MAB21L3: variants seen among roughly 807,000 people sequenced by gnomAD.
The protein encoded by MAB21L3 is protein mab-21-like 3.
A neutral mutation model predicts 37.7 loss-of-function variants in MAB21L3; 36 were observed. The observed-to-expected ratio is 0.96, with a 90% CI of 0.73 to 1.26. The LOEUF (loss-of-function observed/expected upper bound fraction) is 1.26. Ranked by LOEUF, MAB21L3 falls within the 50% of genes most tolerant of loss-of-function variation. MAB21L3 has a pLI of 0.00. For missense variants in MAB21L3, 430 were observed against 447.3 expected (o/e 0.96, Z 0.35); for synonymous variants, 186 against 176.8 (o/e 1.05, Z -0.41).
Position 116,128,336 on chromosome 1 carries a change from G to C in MAB21L3, c.852G>C (p.Leu284=). Residue 284 remains leucine (L), a synonymous_variant, in exon 7 of 8, where the codon CTG becomes CTC. Coordinates refer to ENST00000369500, the MANE Select transcript of MAB21L3 (RefSeq NM_152367.3). ...GGCCGGTTATCACGTCCCACCATCT[G>C]CAGGTGAGTGTGGGGCAGGTTGGAG... ...GNRPVITSHH[L]QTVLFWTCEK... The C allele has an allele frequency of 6.2e-7, 1 of 1,610,376 alleles. No individual in the cohort carries two copies. Among genetic ancestry groups the C allele is most frequent in the Non-Finnish European group, 8.5e-7 (1 of 1,178,842 alleles).
At chr1:116,131,258 A>G (rs1177593390) in intron 7 of MAB21L3, among the ~76,000 whole-genome samples, 5 of 152,190 alleles carry the variant, frequency 3.3e-5, no homozygotes, top group Non-Finnish European at 5.9e-5. Flanking sequence ...CAATGGGTGT[A>G]CTAGGGAAAT....
At position 116,133,230 on chromosome 1, in the gene MAB21L3, C is replaced by T. The variant is rs538523710; in HGVS notation, c.954C>T (p.Cys318=). 25 of 1,614,178 alleles carry T rather than the reference C, an allele frequency of 1.5e-5. No homozygotes were observed. The highest frequency in any genetic ancestry group is 1.9e-5 in the Non-Finnish European group (23 of 1,180,036). The change falls in exon 8 of 8, where the codon TGC becomes TGT. Residue 318 remains cysteine (C), a synonymous_variant. Transcript: ENST00000369500. ...GCCTGGTGAGGAAACTGCACAAGTGCGTGAGCCAGCACTTCCTGAAACACT... is the reference window on the plus strand; with the variant it reads ...GCCTGGTGAGGAAACTGCACAAGTGTGTGAGCCAGCACTTCCTGAAACACT... ...FLRLVRKLHK[C]VSQHFLKHYF...
chr1:116,128,828 A>C (rs1659986691), intron 7 of MAB21L3, among the ~76,000 whole-genome samples: 1 of 152,214 alleles, frequency 6.6e-6, no homozygotes, highest in Non-Finnish European at 1.5e-5. Flanking sequence ...AGGAAATGCA[A>C]CACAGAGGTT....
In MAB21L3 at chr1:116,120,980, A is replaced by C; in HGVS notation, c.97A>C (p.Lys33Gln). ...TTCCCAGGCTGTGGAGGAGGTGCAG[A>C]AAGTCGTTCATCATTTGACCACAAA... is the stretch of plus-strand genomic sequence containing the variant. ...QISQAVEEVQ[K>Q]VVHHLTTNIS... The change falls in exon 4 of 8, where the codon AAA becomes CAA. Residue 33 changes from lysine to glutamine, a missense_variant. By Grantham distance (53) the Lys-to-Gln change is moderately conservative. Transcript: ENST00000369500. 1 of 1,614,192 alleles carries C rather than the reference A, an allele frequency of 6.2e-7. No individual in the cohort carries two copies. Among genetic ancestry groups the C allele is most frequent in the Non-Finnish European group, 8.5e-7 (1 of 1,180,022 alleles).
At position 116,124,245 on chromosome 1, in the gene MAB21L3, G is replaced by A; in HGVS notation, c.369G>A (p.Leu123=). ...WLEVEQFMKS[L]WQWHETDVNI... ...AGGTGGAACAGTTTATGAAGAGCCT[G>A]TGGCAGTGGCATGAGACAGATGTGA... The change falls in exon 5 of 8, where the codon CTG becomes CTA. Residue 123 remains leucine (L), a synonymous_variant. Coordinates refer to ENST00000369500, the MANE Select transcript of MAB21L3 (RefSeq NM_152367.3). The A allele has an allele frequency of 1.2e-6, 2 of 1,614,242 alleles. No homozygotes were observed. Among genetic ancestry groups the A allele is most frequent in the South Asian group, 2.2e-5 (2 of 91,088 alleles).
chr1:116,125,950 G>A (rs1048216363), intron 5 of MAB21L3, among the ~76,000 whole-genome samples: 5 of 152,222 alleles, frequency 3.3e-5, no homozygotes, highest in Admixed American at 1.3e-4. Flanking sequence ...CATGGTGAAA[G>A]TGCAAAGCAG....
rs202007056 is a variant in MAB21L3, at chr1:116,133,296, G to T, written c.1020G>T (p.Pro340=). 104 of 1,614,176 alleles carry T rather than the reference G, an allele frequency of 6.4e-5. No individual in the cohort carries two copies. In the Admixed American group the frequency reaches 1.7e-3, roughly 27 times the overall value. Residue 340 remains proline, a synonymous_variant, in exon 8 of 8, where the codon CCG becomes CCT. Coordinates refer to ENST00000369500, the MANE Select transcript of MAB21L3 (RefSeq NM_152367.3). The stretch of plus-strand genomic sequence containing the variant: ...GCAACCTCTTTCAGTGCACCAACCC[G>T]ACTGAACTGGACACTGTGGCCCAAA... ...RNSNLFQCTN[P]TELDTVAQKL... is the part of the protein sequence containing the mutation.
chr1:116,133,031 T>G, intron 7 of MAB21L3, 101 bp from the exon 8 acceptor site: 10 of 973,440 alleles, frequency 1.0e-5, no homozygotes, highest in Non-Finnish European at 1.6e-5. Flanking sequence ...AGGCAACTCT[T>G]TTCTCCCTCC....
At chr1:116,119,379 T>C (rs1659679396) in intron 3 of MAB21L3, among the ~76,000 whole-genome samples, 1 of 151,148 alleles carries the variant, frequency 6.6e-6, no homozygotes, top group African/African-American at 2.4e-5. Context: ...ACATATGAAG[T>C]TGGCTTGCTG....
At chr1:116,133,052 A>C in intron 7 of MAB21L3, 80 bp from the exon 8 acceptor site, 1 of 1,189,554 alleles carries the variant, frequency 8.4e-7, no homozygotes, top group Non-Finnish European at 1.2e-6. Context: ...TTCCAAGGCC[A>C]CATAAGCTCA....
intron 4 of MAB21L3, 23 bp from the exon 5 acceptor site, chr1:116,124,043 T>G (rs1659824676): frequency 6.4e-7 from 1 of 1,570,368 alleles, no homozygotes; most frequent in African/African-American, 1.4e-5. Flanking sequence ...TCATGCTTGT[T>G]TTCAATCCTT....
At chr1:116,121,788 G>C (rs1411120647) in intron 4 of MAB21L3, among the ~76,000 whole-genome samples, 1 of 152,218 alleles carries the variant, frequency 6.6e-6, no homozygotes, top group Non-Finnish European at 1.5e-5. Context: ...TGAGGGCAGA[G>C]CTGTACACAG....
At chr1:116,117,887 A>G (rs1298447510) in intron 3 of MAB21L3, among the ~76,000 whole-genome samples, 2 of 152,124 alleles carry the variant, frequency 1.3e-5, no homozygotes, top group Non-Finnish European at 2.9e-5. Flanking sequence ...TGCCACACCA[A>G]GATGAATTCC....
chr1:116,115,897 G>A (rs765439667), intron 3 of MAB21L3, among the ~76,000 whole-genome samples: 15 of 152,150 alleles, frequency 9.9e-5, no homozygotes, highest in Middle Eastern at 3.2e-3. Context: ...GAAGAGCAAG[G>A]CCCAAACAAC....
chr1:116,121,365 A>C (rs919368205), intron 4 of MAB21L3, among the ~76,000 whole-genome samples: 21 of 152,310 alleles, frequency 1.4e-4, no homozygotes, highest in African/African-American at 4.8e-4. Flanking sequence ...GTCTCTATAG[A>C]AAAAGAAAAA....
intron 3 of MAB21L3, among the ~76,000 whole-genome samples, chr1:116,112,891 G>A (rs927257157): frequency 1.4e-4 from 21 of 152,166 alleles, no homozygotes; most frequent in African/African-American, 4.8e-4. Flanking sequence ...ATAGAATGGA[G>A]AGTAGGAATC....
intron 3 of MAB21L3, 83 bp downstream of exon 3, chr1:116,112,746 A>C: frequency 1.9e-5 from 27 of 1,418,510 alleles, no homozygotes; most frequent in Non-Finnish European, 2.7e-5. Context: ...AAAGGATCTC[A>C]GGCTCTTTCT....
chr1:116,127,566 C>T lies in MAB21L3; in HGVS notation c.582C>T (p.Pro194=). The part of the protein sequence containing the change: ...ELELVPAVEI[P]TTWSKKARWP... ...AGCTGGTCCCCGCAGTGGAGATCCC[C>T]ACCACCTGGTCCAAGAAAGCCCGGT... is the stretch of plus-strand genomic sequence containing the variant. The change falls in exon 6 of 8, where the codon CCC becomes CCT. Residue 194 remains proline (P), a synonymous_variant. Transcript: ENST00000369500. 1 of 1,614,202 alleles carries T rather than the reference C, an allele frequency of 6.2e-7. No individual in the cohort carries two copies.
In MAB21L3 at chr1:116,133,607, C is replaced by T. The variant is rs1442282486; in HGVS notation, c.*242C>T. On this transcript the variant is annotated 3_prime_UTR_variant, in exon 8 of 8. Coordinates refer to ENST00000369500, the MANE Select transcript of MAB21L3 (RefSeq NM_152367.3). ...AGCTAATTCTCCTGGAGACAGCTCT[C>T]ATCAGGCTTCCCCAGGCACAGATTT... 1.8e-6 allele frequency: 1 copy of T among 567,366 alleles called. No homozygotes were observed. Among genetic ancestry groups the T allele is most frequent in the African/African-American group, 1.9e-5 (1 of 53,392 alleles). 35.1% of individuals were successfully genotyped at this position (567,366 alleles called of 1,614,324 possible). A position where few individuals can be genotyped will look rare whatever the true frequency, so the allele number is the denominator to read the frequency against.
Sources: allele counts gnomAD v4.1 joint callset (sites outside exome capture counted in the v4.1 genomes callset), GRCh38; gene constraint gnomAD v4.1.1; transcripts MANE v1.5; gene names NCBI Gene and HGNC (gene_info 2026-07-23, HGNC 2026-07-21).